The following CORIN variants were observed in gnomAD, a reference collection of about 807,000 sequenced individuals.
CORIN encodes atrial natriuretic peptide-converting enzyme.
In CORIN, 117 loss-of-function variants were observed where a neutral mutation model predicts 125.3. That is an observed-to-expected ratio of 0.93 (90% CI 0.80 to 1.09). The LOEUF is 1.09. Among genes scored for constraint, CORIN ranks in the 50% least tolerant of loss-of-function variants. CORIN has a pLI of 0.00. For missense variants in CORIN, 1,253 were observed against 1,306.7 expected, an observed-to-expected ratio of 0.96 and a Z score of 0.63; for synonymous variants, 450 against 466.4, an observed-to-expected ratio of 0.96 and a Z score of 0.45.
chr4:47,739,754 T>A (rs1463123823), intron 5 of CORIN, among the ~76,000 whole-genome samples: 1 of 151,944 alleles, frequency 6.6e-6, no homozygotes, highest in Non-Finnish European at 1.5e-5. Flanking sequence ...TATGTTGAGA[T>A]TATATTATAT....
At chr4:47,637,572 G>C (rs1723075174) in intron 16 of CORIN, among the ~76,000 whole-genome samples, 1 of 152,222 alleles carries the variant, frequency 6.6e-6, no homozygotes, top group African/African-American at 2.4e-5. Flanking sequence ...AAGGGGCCAA[G>C]GTACAGCTCA....
chr4:47,750,261 C>T (rs183042902), intron 4 of CORIN, among the ~76,000 whole-genome samples: 10 of 152,256 alleles, frequency 6.6e-5, no homozygotes, highest in African/African-American at 2.2e-4. Context: ...CTCCACTAAA[C>T]GTGGGGATGG....
chr4:47,688,338 G>A (rs377296483), intron 6 of CORIN, among the ~76,000 whole-genome samples: 28 of 152,246 alleles, frequency 1.8e-4, no homozygotes, highest in South Asian at 4.1e-4. Context: ...AGTGGTTCAC[G>A]CCGGTAATCC....
chr4:47,818,734 G>T (rs1279714560), intron 1 of CORIN, among the ~76,000 whole-genome samples: 2 of 152,068 alleles, frequency 1.3e-5, no homozygotes, highest in East Asian at 3.9e-4. Flanking sequence ...TTAGCCAGAC[G>T]TGGTGGTGCA....
chr4:47,717,461 C>CT (rs1395429390), intron 5 of CORIN, among the ~76,000 whole-genome samples: 2 of 152,154 alleles, frequency 1.3e-5, no homozygotes, highest in Admixed American at 1.3e-4. Context: ...TCATTCAGCC[C>CT]TTTGATTCAC....
intron 1 of CORIN, among the ~76,000 whole-genome samples, chr4:47,820,554 C>T (rs992827206): frequency 7.2e-5 from 11 of 152,160 alleles, no homozygotes; most frequent in Non-Finnish European, 7.3e-5. Context: ...TTACATTGTA[C>T]AGCAAGTGTA....
intron 5 of CORIN, among the ~76,000 whole-genome samples, chr4:47,722,030 T>C (rs1377687725): frequency 6.6e-6 from 1 of 152,240 alleles, no homozygotes; most frequent in Non-Finnish European, 1.5e-5. Context: ...AGCTATTCCG[T>C]CTTCACAATT....
chr4:47,727,185 A>G (rs1727628687), intron 5 of CORIN, among the ~76,000 whole-genome samples: 2 of 152,122 alleles, frequency 1.3e-5, no homozygotes, highest in Non-Finnish European at 2.9e-5. Flanking sequence ...AATCATTACT[A>G]TTTGCTTTTT....
chr4:47,772,441 G>T (rs556262389), intron 3 of CORIN, among the ~76,000 whole-genome samples: 4 of 152,132 alleles, frequency 2.6e-5, no homozygotes, highest in Admixed American at 6.5e-5. Context: ...CATCTGTCAG[G>T]CATTTTTTAT....
chr4:47,815,058 T>C (rs1440243035), intron 1 of CORIN, among the ~76,000 whole-genome samples: 2 of 152,166 alleles, frequency 1.3e-5, no homozygotes, highest in Non-Finnish European at 2.9e-5. Context: ...ATTGTTTAGC[T>C]GAAGTCTGAA....
In CORIN at chr4:47,770,128, C is replaced by A. The variant is rs1476855406; in HGVS notation, c.410-6542G>T. On this transcript the variant is annotated intron_variant, in intron 3 of 21. Transcript: ENST00000273857. ...CATACACCTGATAAGGGGTTAATATCCAAAATACAAAAGGAATTTTATTTA... is the reference window on the plus strand; with the variant it reads ...CATACACCTGATAAGGGGTTAATATACAAAATACAAAAGGAATTTTATTTA... 4.0e-5 allele frequency among the ~76,000 whole-genome samples: 6 copies of A among 151,890 alleles called. No individual in the cohort carries two copies. The East Asian group carries it at 1.2e-3, about 29-fold the overall frequency.
chr4:47,801,638 C>A lies in CORIN; in HGVS notation c.208+5265G>T, dbSNP rs528328094. On this transcript the variant is annotated intron_variant, in intron 2 of 21. Coordinates refer to ENST00000273857, the MANE Select transcript of CORIN (RefSeq NM_006587.4). ...GGCACTTGGGAGAGGGAGAGTGCAG[C>A]AATTATGAGGCTTTGCATTGAGCTC... Among the ~76,000 whole-genome samples, 4 of 152,304 alleles carry A rather than the reference C, an allele frequency of 2.6e-5. No homozygotes were observed. The South Asian group carries it at 8.3e-4, about 32-fold the overall frequency.
intron 5 of CORIN, chr4:47,706,781 C>G (rs935325776): frequency 1.3e-4 from 203 of 1,598,146 alleles, no homozygotes; most frequent in Non-Finnish European, 1.7e-4. Flanking sequence ...CCTCATTGAT[C>G]CATTCCATAA....
intron 13 of CORIN, among the ~76,000 whole-genome samples, chr4:47,648,581 C>T (rs990027053): frequency 6.6e-6 from 1 of 152,128 alleles, no homozygotes; most frequent in Admixed American, 6.5e-5. Context: ...CCTTGTTTCT[C>T]TATAAAAACA....
At chr4:47,757,348 C>T (rs1325777249) in intron 4 of CORIN, among the ~76,000 whole-genome samples, 3 of 152,092 alleles carry the variant, frequency 2.0e-5, no homozygotes, top group Admixed American at 1.3e-4. Context: ...AATCCCAGTA[C>T]TTTGGGAGGC....
chr4:47,628,012 T>G (rs1400986928), intron 16 of CORIN, among the ~76,000 whole-genome samples: 1 of 152,140 alleles, frequency 6.6e-6, no homozygotes, highest in African/African-American at 2.4e-5. Flanking sequence ...GTTTTTGCAT[T>G]TCATTCATTA....
intron 2 of CORIN, among the ~76,000 whole-genome samples, chr4:47,799,873 G>T (rs1731463540): frequency 6.6e-6 from 1 of 152,122 alleles, no homozygotes; most frequent in Non-Finnish European, 1.5e-5. Flanking sequence ...TTGACAAATG[G>T]ATAAACTATG....
chr4:47,759,417 A>G (rs146353600), intron 4 of CORIN, among the ~76,000 whole-genome samples: 179 of 152,324 alleles, frequency 1.2e-3, no homozygotes, highest in African/African-American at 3.8e-3. Flanking sequence ...TAACAGAGTG[A>G]AGAGACAACC....
At chr4:47,701,033 T>C (rs2109758154) in intron 5 of CORIN, among the ~76,000 whole-genome samples, 1 of 152,342 alleles carries the variant, frequency 6.6e-6, no homozygotes, top group East Asian at 1.9e-4. Context: ...ACCTTTTAAC[T>C]TACACATTTT....
Sources: allele counts gnomAD v4.1 joint callset (sites outside exome capture counted in the v4.1 genomes callset), GRCh38; gene constraint gnomAD v4.1.1; transcripts MANE v1.5; gene names NCBI Gene and HGNC (gene_info 2026-07-23, HGNC 2026-07-21).